RBM12: variants seen among roughly 807,000 people sequenced by gnomAD.
RBM12 encodes the protein RNA-binding protein 12.
RBM12 carries 24 observed loss-of-function variants against 37.2 expected under a neutral mutation model. That is an observed-to-expected ratio of 0.65 (90% CI 0.47 to 0.91). The LOEUF is 0.91. Among genes scored for constraint, RBM12 ranks in the 40% least tolerant of loss-of-function variants. The probability of loss-of-function intolerance (pLI) is 0.00; values close to 1 mark genes in which losing one functional copy is unlikely to be tolerated. For synonymous variants in RBM12, 420 were observed against 425.2 expected, an observed-to-expected ratio of 0.99 and a Z score of 0.15; for missense variants, 1,061 against 1,183.2, an observed-to-expected ratio of 0.90 and a Z score of 1.52.
At chr20:35,661,001 C>T (rs2034203401) in intron 1 of RBM12, among the ~76,000 whole-genome samples, 1 of 152,188 alleles carries the variant, frequency 6.6e-6, no homozygotes, top group Non-Finnish European at 1.5e-5. Context: ...GGCTGAAAGG[C>T]CCAGCTGAAT....
rs764200744 is a variant in RBM12 at position 35,653,353 on chromosome 20, A to G, written c.1970T>C (p.Leu657Pro). ...TGCACTGGGCAGTCCCACACCGGGC[A>G]GTCCCGCATTGGGCATTCCTGGAAC... ...PAVPGMPNAGLPGVGLPSAGL... is the reference protein window; with the variant it reads ...PAVPGMPNAGPPGVGLPSAGL... Residue 657 changes from leucine (L) to proline (P), a missense_variant, in exon 3 of 3, where the codon CTG (leucine) becomes CCG (proline). This residue lies in a region of RBM12 where 517 missense variants were observed against 534.0 expected (regional missense o/e 0.97). Coordinates refer to ENST00000374114, the MANE Select transcript of RBM12 (RefSeq NM_006047.6). 1.2e-6 allele frequency: 2 copies of G among 1,614,168 alleles called. No homozygotes were observed. The highest frequency in any genetic ancestry group is 2.2e-5 in the East Asian group (1 of 44,890).
In RBM12 at chr20:35,654,167, C is replaced by A; in HGVS notation, c.1156G>T (p.Gly386Ter). The change falls in exon 3 of 3, where the codon GGA (glycine) becomes TGA (stop). Residue 386 changes from glycine (G) to a stop codon, truncating the protein, a stop_gained. Coordinates refer to ENST00000374114, the MANE Select transcript of RBM12 (RefSeq NM_006047.6). LOFTEE classifies it high-confidence loss of function. ...PATERQWVAA[G>*]GHITFKQNMG... ...TTTTGCTTAAAAGTGATATGGCCTC[C>A]AGCAGCTACCCACTGTCTTTCTGTG... 1.2e-6 allele frequency: 2 copies of A among 1,614,204 alleles called. No homozygotes were observed. Among genetic ancestry groups the A allele is most frequent in the Non-Finnish European group, 1.7e-6 (2 of 1,180,040 alleles).
chr20:35,650,960 T>C lies in RBM12; in HGVS notation c.*1564A>G, dbSNP rs1440792012. ...AAAGGGGCCATGTAAAAGATAAAAT[T>C]TGGTTTTCATGATCTCTCATCTATC... On this transcript the variant is annotated 3_prime_UTR_variant, in exon 3 of 3. Coordinates refer to ENST00000374114, the MANE Select transcript of RBM12 (RefSeq NM_006047.6). 6.6e-6 allele frequency: 1 copy of C among 152,572 alleles called. No individual in the cohort carries two copies. Among genetic ancestry groups the C allele is most frequent in the Non-Finnish European group, 1.5e-5 (1 of 68,018 alleles). 9.5% of individuals were successfully genotyped at this position (152,572 alleles called of 1,614,324 possible).
In RBM12 at chr20:35,652,450, A is replaced by G. The variant is rs2033587148; in HGVS notation, c.*74T>C. The G allele has an allele frequency of 3.3e-6, 5 of 1,492,806 alleles. No homozygotes were observed. The highest frequency in any genetic ancestry group is 3.6e-6 in the Non-Finnish European group (4 of 1,110,078). The allele number at this position is 1,492,806 out of a possible 1,614,324, so 92.5% of individuals were successfully genotyped here. A position where few individuals can be genotyped will look rare whatever the true frequency, so the allele number is the denominator to read the frequency against. On this transcript the variant is annotated 3_prime_UTR_variant, in exon 3 of 3. Transcript: ENST00000374114. ...ACAATCCACAGGTTCTAACCTGGAA[A>G]TACTAGGAAAACAATCTGGATGCAT...
At chr20:35,663,997 A>G (rs910235118) in intron 1 of RBM12, among the ~76,000 whole-genome samples, 4 of 152,224 alleles carry the variant, frequency 2.6e-5, no homozygotes, top group African/African-American at 9.6e-5. Context: ...TGCTCACAGC[A>G]GCCCCTTCCC....
chr20:35,652,823 C>CA lies in RBM12; in HGVS notation c.2499_2500insT (p.Gly834TrpfsTer16), dbSNP rs1568933617. 1.3e-6 allele frequency: 2 copies of CA among 1,597,160 alleles called. No individual in the cohort carries two copies. The highest frequency in any genetic ancestry group is 3.4e-5 in the Admixed American group (2 of 58,216). On this transcript the variant is annotated frameshift_variant, in exon 3 of 3. Transcript: ENST00000374114. LOFTEE classifies it high-confidence loss of function. ...CCACCAATATGGATTGGGCCAGGGC[C>CA]GGGGCCGGGGCCGGGGCCAGGCCCA... is the stretch of plus-strand genomic sequence containing the variant.
At position 35,653,412 on chromosome 20, in the gene RBM12, C is replaced by T. The variant is rs2033678986; in HGVS notation, c.1911G>A (p.Lys637=). 5.0e-6 allele frequency: 8 copies of T among 1,613,974 alleles called. No homozygotes were observed. The highest frequency in any genetic ancestry group is 6.8e-6 in the Non-Finnish European group (8 of 1,179,992). ...IEKNPPAQGK[K]GLKMPVPGNP... is the part of the protein sequence containing the mutation. ...TACCTGGCACAGGCATCTTTAATCC[C>T]TTTTTTCCTTGGGCAGGGGGATTTT... Residue 637 remains lysine (K), a synonymous_variant, in exon 3 of 3, where the codon AAG becomes AAA. Coordinates refer to ENST00000374114, the MANE Select transcript of RBM12 (RefSeq NM_006047.6).
intron 1 of RBM12, among the ~76,000 whole-genome samples, chr20:35,662,820 T>TGAAAGAAGCC (rs2034308033): frequency 6.6e-6 from 1 of 152,136 alleles, no homozygotes; most frequent in Non-Finnish European, 1.5e-5. Flanking sequence ...TCAAAGAAGG[T>TGAAAGAAGCC]GAAAGAAGCC....
At chr20:35,662,211 C>T (rs7361123) in intron 1 of RBM12, among the ~76,000 whole-genome samples, 2 of 152,160 alleles carry the variant, frequency 1.3e-5, no homozygotes, top group Non-Finnish European at 2.9e-5. Context: ...GATATTCCTC[C>T]TGTCAAAAAT....
intron 1 of RBM12, among the ~76,000 whole-genome samples, chr20:35,659,888 G>A (rs537338931): frequency 1.3e-5 from 2 of 152,082 alleles, no homozygotes; most frequent in East Asian, 3.9e-4. Context: ...AATTCGGAGA[G>A]AGAAGAAATT....
In RBM12 at chr20:35,653,939, T is replaced by C. The variant is rs1188347880; in HGVS notation, c.1384A>G (p.Ile462Val). ...KLDIVEDSIY[I>V]AYGPNGKATG... ...GCTTTCCCATTGGGTCCATAAGCTA[T>C]ATAAATACTATCTTCCACAATATCC... Residue 462 changes from isoleucine (I) to valine (V), a missense_variant, in exon 3 of 3, where the codon ATA becomes GTA. Physicochemically the swap from Ile to Val is conservative, Grantham distance 29 (BLOSUM62 3). Coordinates refer to ENST00000374114, the MANE Select transcript of RBM12 (RefSeq NM_006047.6). The C allele has an allele frequency of 6.2e-7, 1 of 1,614,176 alleles. No homozygotes were observed. Among genetic ancestry groups the C allele is most frequent in the South Asian group, 1.1e-5 (1 of 91,084 alleles).
rs576987892 is a variant in RBM12, at chr20:35,652,423, A to G, written c.*101T>C. On this transcript the variant is annotated 3_prime_UTR_variant, in exon 3 of 3. Transcript: ENST00000374114. ...ATGGAAACCAAGCTATATGCAATTG[A>G]AACAATCCACAGGTTCTAACCTGGA... 1 of 1,380,350 alleles carries G rather than the reference A, an allele frequency of 7.2e-7. No individual in the cohort carries two copies. Among genetic ancestry groups the G allele is most frequent in the Non-Finnish European group, 9.8e-7 (1 of 1,018,924 alleles). 85.5% of individuals were successfully genotyped at this position (1,380,350 alleles called of 1,614,324 possible).
rs1362454530 is a variant in RBM12 at position 35,662,323 on chromosome 20, ACT to A, written c.-108+2435_-108+2436del. 5.9e-5 allele frequency among the ~76,000 whole-genome samples: 9 copies of A among 152,166 alleles called. No individual in the cohort carries two copies. The South Asian group carries it at 1.5e-3, about 25-fold the overall frequency. On this transcript the variant is annotated intron_variant, in intron 1 of 2. Transcript: ENST00000374114. ...ACTTCTAACCTAAACAACCACATTC[ACT>A]CTGTTTTTGAGTCTTAAAAGCTGGC...
intron 2 of RBM12, 124 bp downstream of exon 2, chr20:35,658,800 AAAACAC>A (rs1226355840): frequency 1.7e-5 from 8 of 481,460 alleles, no homozygotes; most frequent in Admixed American, 4.5e-5. Flanking sequence ...CAAGCAAACA[AAAACAC>A]ACACACACAC....
rs751382843 is a variant in RBM12 at position 35,654,959 on chromosome 20, T to G, written c.364A>C (p.Thr122Pro). Reference sequence around the variant, plus strand: ...GATGGATTATTAAAGTTGGATACTGTTGTGGGCAAGTTTACCCTGCTACTC... The same window carrying G: ...GATGGATTATTAAAGTTGGATACTGGTGTGGGCAAGTTTACCCTGCTACTC... The part of the protein sequence containing the change: ...GMSSRVNLPT[T>P]VSNFNNPSPS... The change falls in exon 3 of 3, where the codon ACA becomes CCA. Residue 122 changes from threonine (T) to proline (P), a missense_variant. Thr to Pro is a conservative substitution (Grantham distance 38). Coordinates refer to ENST00000374114, the MANE Select transcript of RBM12 (RefSeq NM_006047.6). 3.7e-6 allele frequency: 6 copies of G among 1,614,152 alleles called. No individual in the cohort carries two copies. The highest frequency in any genetic ancestry group is 5.1e-6 in the Non-Finnish European group (6 of 1,180,014).
At position 35,650,209 on chromosome 20, in the gene RBM12, T is replaced by TA. The variant is rs138194248; in HGVS notation, c.*2314dup. On this transcript the variant is annotated 3_prime_UTR_variant, in exon 3 of 3. Transcript: ENST00000374114. ...GCACTGTTGTGATTCATATAAAACA[T>TA]AGTTCTCTCCAATTTCTACACAAAC... 2 of 152,606 alleles carry TA rather than the reference T, an allele frequency of 1.3e-5. No homozygotes were observed. Among genetic ancestry groups the TA allele is most frequent in the East Asian group, 3.9e-4 (2 of 5,190 alleles). 9.5% of individuals were successfully genotyped at this position (152,606 alleles called of 1,614,324 possible).
rs1214949876 is a variant in RBM12 at position 35,653,571 on chromosome 20, A to T, written c.1752T>A (p.Gly584=). The change falls in exon 3 of 3, where the codon GGT becomes GGA. Residue 584 remains glycine (G), a synonymous_variant. Transcript: ENST00000374114. ...VHVLVDNNGQ[G]LGQALVQFKN... ...TAAACTGAACCAATGCCTGTCCTAG[A>T]CCTTGCCCATTGTTATCAACAAGAA... is the stretch of plus-strand genomic sequence containing the variant. 1.9e-6 allele frequency: 3 copies of T among 1,614,200 alleles called. No individual in the cohort carries two copies. The highest frequency in any genetic ancestry group is 2.5e-6 in the Non-Finnish European group (3 of 1,180,038).
rs1261535305 is a variant in RBM12 at position 35,649,004 on chromosome 20, T to C, written c.*3520A>G. On this transcript the variant is annotated 3_prime_UTR_variant, in exon 3 of 3. Coordinates refer to ENST00000374114, the MANE Select transcript of RBM12 (RefSeq NM_006047.6). ...AACAGTATTCAAGACTTCATCTTTA[T>C]AAACAAAAACCTCTGCTGAGTGATG... 1 of 152,674 alleles carries C rather than the reference T, an allele frequency of 6.5e-6. No homozygotes were observed. The highest frequency in any genetic ancestry group is 1.5e-5 in the Non-Finnish European group (1 of 68,034). 9.5% of individuals were successfully genotyped at this position (152,674 alleles called of 1,614,324 possible). A position where few individuals can be genotyped will look rare whatever the true frequency, so the allele number is the denominator to read the frequency against.
At position 35,652,482 on chromosome 20, in the gene RBM12, C is replaced by T. The variant is rs1414837532; in HGVS notation, c.*42G>A. ...GAAAACAATCTGGATGCATTAATCA[C>T]AGCAATATGAAGATCTACCCTATAA... On this transcript the variant is annotated 3_prime_UTR_variant, in exon 3 of 3. Coordinates refer to ENST00000374114, the MANE Select transcript of RBM12 (RefSeq NM_006047.6). 2 of 1,559,954 alleles carry T rather than the reference C, an allele frequency of 1.3e-6. No individual in the cohort carries two copies. The highest frequency in any genetic ancestry group is 1.4e-5 in the African/African-American group (1 of 72,450).
Sources: allele counts gnomAD v4.1 joint callset (sites outside exome capture counted in the v4.1 genomes callset), GRCh38; gene constraint gnomAD v4.1.1; regional missense constraint gnomAD v4.1.1; transcripts MANE v1.5; gene names NCBI Gene and HGNC (gene_info 2026-07-23, HGNC 2026-07-21).